Variants in VPS13B observed in about 807,000 individuals in gnomAD.
VPS13B encodes the protein intermembrane lipid transfer protein VPS13B.
VPS13B carries 285 observed loss-of-function variants against 426.4 expected under a neutral mutation model. The observed-to-expected ratio is 0.67, with a 90% CI of 0.61 to 0.74. VPS13B has a LOEUF of 0.74. Ranked by LOEUF, VPS13B falls within the 30% of genes least tolerant of loss-of-function variation. The probability of loss-of-function intolerance (pLI) is 0.00; values close to 1 mark genes in which losing one functional copy is unlikely to be tolerated. For missense variants in VPS13B, 4,537 were observed against 4,782.6 expected, an observed-to-expected ratio of 0.95 and a Z score of 1.51; for synonymous variants, 1,676 against 1,676.4, an observed-to-expected ratio of 1.00 and a Z score of 0.01.
At chr8:99,821,613 T>C in intron 50 of VPS13B, 131 bp downstream of exon 50, 1 of 1,129,818 alleles carries the variant, frequency 8.9e-7, no homozygotes, top group Non-Finnish European at 1.3e-6. Context: ...AACAGTACAT[T>C]TGATTTCTTA....
intron 25 of VPS13B, among the ~76,000 whole-genome samples, chr8:99,492,404 G>A (rs537356870): frequency 1.3e-5 from 2 of 152,336 alleles, no homozygotes; most frequent in Admixed American, 6.5e-5. Flanking sequence ...CTTTAGAGCT[G>A]TCAGACAGGG....
At chr8:99,871,975 TGA>T (rs1450405851) in intron 61 of VPS13B, among the ~76,000 whole-genome samples, 2 of 152,170 alleles carry the variant, frequency 1.3e-5, no homozygotes, top group Non-Finnish European at 2.9e-5. Flanking sequence ...CCAAGCCAAT[TGA>T]ACAAGGCTGA....
chr8:99,028,525 C>A (rs1382422416), intron 2 of VPS13B, among the ~76,000 whole-genome samples: 1 of 5,430 alleles, frequency 1.8e-4, no homozygotes, highest in Non-Finnish European at 5.1e-4. Context: ...GGGGCTGACC[C>A]CCCCCCCCAC....
chr8:99,207,397 A>G (rs1004473861), intron 17 of VPS13B, among the ~76,000 whole-genome samples: 10 of 152,256 alleles, frequency 6.6e-5, no homozygotes, highest in African/African-American at 1.9e-4. Flanking sequence ...TTGTTCCTCT[A>G]TTCTGTCTCA....
At chr8:99,696,844 C>T (rs1223879809) in intron 35 of VPS13B, 3 of 1,031,094 alleles carry the variant, frequency 2.9e-6, no homozygotes, top group African/African-American at 3.1e-5. Context: ...TGGCGCCGTG[C>T]AAGCTGCTGG....
intron 22 of VPS13B, 95 bp from the exon 23 acceptor site, chr8:99,442,302 CATTT>C: frequency 1.0e-6 from 1 of 979,296 alleles, no homozygotes; most frequent in Non-Finnish European, 1.6e-6. Context: ...AAATATGGAA[CATTT>C]ACTTTTTTTG....
intron 19 of VPS13B, among the ~76,000 whole-genome samples, chr8:99,290,783 G>T (rs1404378413): frequency 2.0e-5 from 3 of 152,048 alleles, no homozygotes; most frequent in Non-Finnish European, 4.4e-5. Context: ...AATAAGTCAT[G>T]TCTAAGATGA....
Position 99,778,822 on chromosome 8 carries a change from T to G in VPS13B, c.7570T>G (p.Leu2524Val). ...NGSVCQEIQF[L>V]AQADCKLLEC... Reference sequence around the variant, plus strand: ...TTCTGTCTGTCAGGAGATCCAGTTCTTAGCTCAAGCAGACTGTAAACTTCT... The same window carrying G: ...TTCTGTCTGTCAGGAGATCCAGTTCGTAGCTCAAGCAGACTGTAAACTTCT... The change falls in exon 42 of 62, where the codon TTA (leucine) becomes GTA (valine). Residue 2524 changes from leucine to valine, a missense_variant. Around this residue, in one of 2 missense-constraint regions of VPS13B, gnomAD observed 4,311 missense variants for 4,474.3 expected, o/e 0.96. Transcript: ENST00000357162. 1.2e-6 allele frequency: 2 copies of G among 1,614,016 alleles called. No individual in the cohort carries two copies. Among genetic ancestry groups the G allele is most frequent in the South Asian group, 2.2e-5 (2 of 91,082 alleles).
chr8:99,718,106 G>A (rs1441830310), intron 37 of VPS13B, among the ~76,000 whole-genome samples: 1 of 151,810 alleles, frequency 6.6e-6, no homozygotes, highest in East Asian at 1.9e-4. Context: ...TTGAGACAGG[G>A]TCTTCCTCTG....
At chr8:99,042,491 C>G (rs1843005300) in intron 3 of VPS13B, among the ~76,000 whole-genome samples, 1 of 151,998 alleles carries the variant, frequency 6.6e-6, no homozygotes, top group South Asian at 2.1e-4. Context: ...TGATTTTATC[C>G]TTTTATCTCA....
intron 39 of VPS13B, among the ~76,000 whole-genome samples, chr8:99,745,139 T>C (rs1810018000): frequency 6.6e-6 from 1 of 152,142 alleles, no homozygotes; most frequent in Non-Finnish European, 1.5e-5. Flanking sequence ...TTCTAAGTTA[T>C]GTGGATTTAG....
intron 17 of VPS13B, among the ~76,000 whole-genome samples, chr8:99,239,086 T>A (rs1413299337): frequency 1.3e-5 from 2 of 152,126 alleles, no homozygotes; most frequent in African/African-American, 4.8e-5. Context: ...CATTTGACCT[T>A]TAATGAGCAT....
rs573400724 is a variant in VPS13B at position 99,766,862 on chromosome 8, A to G, written c.7139A>G (p.Glu2380Gly). 1.2e-6 allele frequency: 2 copies of G among 1,614,062 alleles called. No homozygotes were observed. The highest frequency in any genetic ancestry group is 2.2e-5 in the East Asian group (1 of 44,838). The change falls in exon 40 of 62, where the codon GAA becomes GGA. Residue 2380 changes from glutamate to glycine, a missense_variant. Around this residue, in one of 2 missense-constraint regions of VPS13B, gnomAD observed 4,311 missense variants for 4,474.3 expected, o/e 0.96. Transcript: ENST00000357162. Reference protein sequence around the residue: ...EFNLSESKVCELQLPDINLVN... With the variant: ...EFNLSESKVCGLQLPDINLVN... Reference sequence around the variant, plus strand: ...AATCTGTCTGAAAGCAAAGTTTGTGAACTGCAGTTGCCGGATATCAATCTC... The same window carrying G: ...AATCTGTCTGAAAGCAAAGTTTGTGGACTGCAGTTGCCGGATATCAATCTC...
At chr8:99,693,234 C>A (rs1831771129) in intron 35 of VPS13B, among the ~76,000 whole-genome samples, 1 of 151,076 alleles carries the variant, frequency 6.6e-6, no homozygotes, top group African/African-American at 2.4e-5. Flanking sequence ...CGGGCAGAGA[C>A]ACAACCAAAA....
chr8:99,528,378 C>G (rs1822760117), intron 30 of VPS13B, among the ~76,000 whole-genome samples: 1 of 152,014 alleles, frequency 6.6e-6, no homozygotes, highest in South Asian at 2.1e-4. Flanking sequence ...ATATTTGCAG[C>G]TATTCAACAG....
intron 14 of VPS13B, 146 bp from the exon 15 acceptor site, chr8:99,156,403 T>G (rs537560287): frequency 1.4e-6 from 1 of 710,846 alleles, no homozygotes; most frequent in South Asian, 1.9e-5. Flanking sequence ...TATTTGGTTA[T>G]GGCAAGAGAG....
At chr8:99,212,590 C>T (rs535313971) in intron 17 of VPS13B, among the ~76,000 whole-genome samples, 20 of 152,262 alleles carry the variant, frequency 1.3e-4, no homozygotes, top group Admixed American at 1.2e-3. Context: ...GAACTGATAA[C>T]ATTGTGAATC....
Position 99,835,059 on chromosome 8 carries a change from AAAAGG to A in VPS13B, c.9615-135_9615-131del, listed in dbSNP as rs1163106153. 4.6e-5 allele frequency: 46 copies of A among 1,007,616 alleles called. 1 individual carries two copies. In the East Asian group the frequency reaches 1.2e-3, roughly 25 times the overall value. 62.4% of individuals were successfully genotyped at this position (1,007,616 alleles called of 1,614,324 possible). A position where few individuals can be genotyped will look rare whatever the true frequency, so the allele number is the denominator to read the frequency against. ...ATTATAAATATGTTACTGTTATCAG[AAAAGG>A]AATCTCCCCTGAGTTATAAAACAGA... On this transcript the variant is annotated intron_variant, in intron 52 of 61. Transcript: ENST00000357162.
chr8:99,674,106 G>C (rs1017200378), intron 35 of VPS13B, among the ~76,000 whole-genome samples: 1 of 152,018 alleles, frequency 6.6e-6, no homozygotes, highest in African/African-American at 2.4e-5. Context: ...AGGTTCAAAT[G>C]TTCTAGATTG....
Sources: allele counts gnomAD v4.1 joint callset (sites outside exome capture counted in the v4.1 genomes callset), GRCh38; gene constraint gnomAD v4.1.1; regional missense constraint gnomAD v4.1.1; transcripts MANE v1.5; gene names NCBI Gene and HGNC (gene_info 2026-07-23, HGNC 2026-07-21).